The following MALAT1 variants were observed in gnomAD, a reference collection of about 807,000 sequenced individuals.
MALAT1 encodes metastasis associated lung adenocarcinoma transcript 1.
At chr11:65,499,266 GAGGA>G in exon 3 of MALAT1, 2 of 513,846 alleles carry the variant, frequency 3.9e-6, no homozygotes, top group Non-Finnish European at 7.8e-6. Context: ...AGAGTAGCAT[GAGGA>G]AGGAAAAGAT....
At chr11:65,498,112 CAAAAA>C (rs1329030800) in intron 1 of MALAT1, 1 of 518,924 alleles carries the variant, frequency 1.9e-6, no homozygotes, top group Non-Finnish European at 3.8e-6. Context: ...ATCTGCAAAA[CAAAAA>C]CCCCTAAAAA....
At chr11:65,504,868 A>C (rs777358521) in intron 3 of MALAT1, 1 of 518,948 alleles carries the variant, frequency 1.9e-6, no homozygotes, top group South Asian at 1.4e-5. Flanking sequence ...AGCCAGACCC[A>C]GTAAGAAAAA....
At chr11:65,505,592 C>T (rs757063375) in intron 3 of MALAT1, 1 of 518,898 alleles carries the variant, frequency 1.9e-6, no homozygotes, top group South Asian at 1.4e-5. Flanking sequence ...CTAGCACAGA[C>T]CCTTCACCCC....
chr11:65,505,305 ATTT>A, intron 3 of MALAT1: 1 of 518,850 alleles, frequency 1.9e-6, no homozygotes, highest in Admixed American at 1.9e-5. Context: ...GCCTCACCTG[ATTT>A]TTATTAGTAA....
At chr11:65,505,778 ATAC>A (rs765885310) in intron 3 of MALAT1, 2 of 517,218 alleles carry the variant, frequency 3.9e-6, no homozygotes, top group Non-Finnish European at 7.7e-6. Context: ...CTCTATTATA[ATAC>A]TTATCCAGTG....
exon 3 of MALAT1, chr11:65,501,654 G>C (rs1023027729): frequency 1.9e-6 from 1 of 518,992 alleles, no homozygotes. Flanking sequence ...CTGTTGGCAC[G>C]AACACCTTCA....
At chr11:65,499,947 G>C in exon 3 of MALAT1, 1 of 432,182 alleles carries the variant, frequency 2.3e-6, no homozygotes, top group Non-Finnish European at 4.5e-6. Context: ...ATAGAAGATA[G>C]AAAAATATAA....
exon 3 of MALAT1, chr11:65,503,262 T>A: frequency 1.9e-6 from 1 of 517,078 alleles, no homozygotes; most frequent in Non-Finnish European, 3.9e-6. Flanking sequence ...TGTGGAGTTC[T>A]TAAATATCAA....
chr11:65,505,537 C>G (rs557034515), intron 3 of MALAT1: 2 of 515,898 alleles, frequency 3.9e-6, no homozygotes, highest in African/African-American at 1.9e-5. Context: ...CAAGGTCTCC[C>G]CACAAGCAAC....
chr11:65,502,836 C>G (rs1467061882), exon 3 of MALAT1: 1 of 503,424 alleles, frequency 2.0e-6, no homozygotes, highest in Non-Finnish European at 4.0e-6. Context: ...AAATTTTAAG[C>G]AAATGAAAGC....
exon 3 of MALAT1, chr11:65,499,045 A>G (rs774945948): frequency 1.7e-5 from 9 of 518,080 alleles, no homozygotes; most frequent in Non-Finnish European, 3.5e-5. Context: ...GCTGTGCGGT[A>G]GGCATTGAGG....
exon 3 of MALAT1, chr11:65,501,545 A>G (rs756124681): frequency 1.2e-5 from 6 of 518,848 alleles, no homozygotes; most frequent in South Asian, 7.0e-5. Flanking sequence ...CTTAACAGGG[A>G]AGAGAGAGGG....
At chr11:65,498,056 C>G (rs775986221) in intron 1 of MALAT1, 1 of 518,904 alleles carries the variant, frequency 1.9e-6, no homozygotes, top group South Asian at 1.4e-5. Flanking sequence ...CTTCCTGCTC[C>G]GGTTCAGAAG....
chr11:65,498,390 G>C (rs752815056), intron 1 of MALAT1: 2 of 518,326 alleles, frequency 3.9e-6, no homozygotes, highest in African/African-American at 3.9e-5. Flanking sequence ...GGCAGCCAAC[G>C]GCCCCCGGGG....
chr11:65,504,691 C>T (rs144303913), intron 3 of MALAT1: 206 of 518,864 alleles, frequency 4.0e-4, no homozygotes, highest in African/African-American at 3.6e-3. Flanking sequence ...AGAAACATTC[C>T]AAACAAGCAA....
exon 3 of MALAT1, chr11:65,501,000 GT>G (rs1565052201): frequency 3.9e-6 from 2 of 508,230 alleles, no homozygotes; most frequent in East Asian, 1.1e-4. Flanking sequence ...TAGATGGCAA[GT>G]TTGTGGGTTT....
At chr11:65,501,621 T>A (rs1292473126) in exon 3 of MALAT1, 1 of 518,902 alleles carries the variant, frequency 1.9e-6, no homozygotes, top group Non-Finnish European at 3.8e-6. Flanking sequence ...CAAACTGGGT[T>A]AGAGAAGGAG....
chr11:65,506,212 G>A (rs756344767), intron 3 of MALAT1: 2 of 453,954 alleles, frequency 4.4e-6, no homozygotes, highest in Non-Finnish European at 8.5e-6. Flanking sequence ...GACTCTTTCT[G>A]TATTTCTCCT....
At chr11:65,498,860 T>C (rs1178142587) in intron 2 of MALAT1, 1 of 518,422 alleles carries the variant, frequency 1.9e-6, no homozygotes, top group East Asian at 5.4e-5. Flanking sequence ...TAAGTATTTC[T>C]GCATGTGTAG....
Sources: gnomAD v4.1 joint callset for allele counts on GRCh38, gnomAD v4.1.1 for gene constraint, MANE v1.5 for transcripts, NCBI Gene and HGNC (gene_info 2026-07-23, HGNC 2026-07-21) for gene names.